FBXO9: variants seen among roughly 807,000 people sequenced by gnomAD.
FBXO9 encodes the protein F-box only protein 9.
A neutral mutation model predicts 63.7 loss-of-function variants in FBXO9; 43 were observed. The observed-to-expected ratio is 0.67, with a 90% CI of 0.53 to 0.87. The LOEUF is 0.87. FBXO9 is among the 40% of genes least tolerant of loss of function. FBXO9 has a pLI of 0.00. For synonymous variants in FBXO9, 156 were observed against 171.7 expected, an observed-to-expected ratio of 0.91 and a Z score of 0.72; for missense variants, 442 against 533.2, an observed-to-expected ratio of 0.83 and a Z score of 1.68.
At chr6:53,084,498 A>G (rs972727430) in intron 7 of FBXO9, among the ~76,000 whole-genome samples, 58 of 152,326 alleles carry the variant, frequency 3.8e-4, no homozygotes, top group African/African-American at 1.3e-3. Flanking sequence ...GTCTTATGAT[A>G]TGGTTCTGAT....
chr6:53,072,475 A>C (rs1269035970), intron 2 of FBXO9, among the ~76,000 whole-genome samples: 1 of 152,218 alleles, frequency 6.6e-6, no homozygotes, highest in Non-Finnish European at 1.5e-5. Context: ...AGTTCTGAAG[A>C]TGAAATACCC....
At chr6:53,079,002 C>CCTG in intron 5 of FBXO9, 104 bp downstream of exon 5, 4 of 719,816 alleles carry the variant, frequency 5.6e-6, no homozygotes, top group South Asian at 2.1e-5. Context: ...GAGCTCTATA[C>CCTG]TCTTTAGTAT....
At chr6:53,090,508 AAAAC>A (rs1432780139) in intron 7 of FBXO9, among the ~76,000 whole-genome samples, 4 of 152,258 alleles carry the variant, frequency 2.6e-5, no homozygotes, top group African/African-American at 9.6e-5. Flanking sequence ...CTTAAAAACA[AAAAC>A]AAAGAAAGAA....
In FBXO9 at chr6:53,098,232, A is replaced by G; in HGVS notation, c.*402A>G. The stretch of plus-strand genomic sequence containing the variant: ...TCCTAATATTTCAATGCATCAGGGG[A>G]GCGCTCCACTGGATAAGCATTTTAT... On this transcript the variant is annotated 3_prime_UTR_variant, in exon 13 of 13. Transcript: ENST00000323557. 1 of 312,580 alleles carries G rather than the reference A, an allele frequency of 3.2e-6. No homozygotes were observed. The highest frequency in any genetic ancestry group is 7.0e-6 in the Non-Finnish European group (1 of 143,834). The allele number at this position is 312,580 out of a possible 1,614,324, so 19.4% of individuals were successfully genotyped here.
intron 2 of FBXO9, 41 bp downstream of exon 2, chr6:53,071,184 T>C (rs1273531451): frequency 6.6e-7 from 1 of 1,518,896 alleles, no homozygotes; most frequent in South Asian, 1.2e-5. Flanking sequence ...TATTCCATTG[T>C]TCCCATACAT....
rs1323205431 is a variant in FBXO9 at position 53,092,506 on chromosome 6, GGA to G, written c.738_739del (p.Glu246AspfsTer11). On this transcript the variant is annotated frameshift_variant, in exon 8 of 13. Transcript: ENST00000323557. LOFTEE classifies it high-confidence loss of function. The stretch of plus-strand genomic sequence containing the variant: ...ATTAAACTTGTTCCGTACACGTCCT[GGA>G]GAGAGATGTTTTTAGAACGGCCTCG... 1 of 1,613,934 alleles carries G rather than the reference GGA, an allele frequency of 6.2e-7. No homozygotes were observed. Among genetic ancestry groups the G allele is most frequent in the Non-Finnish European group, 8.5e-7 (1 of 1,179,868 alleles).
intron 4 of FBXO9, among the ~76,000 whole-genome samples, chr6:53,077,297 A>AC (rs1311207284): frequency 6.6e-6 from 1 of 151,466 alleles, no homozygotes; most frequent in Admixed American, 6.6e-5. Context: ...AAACGGTGAA[A>AC]CCCCGTCTCT....
chr6:53,080,222 T>A (rs182495112), intron 5 of FBXO9, among the ~76,000 whole-genome samples: 2 of 152,118 alleles, frequency 1.3e-5, no homozygotes, highest in East Asian at 3.9e-4. Flanking sequence ...CTGTAACATG[T>A]TTGTAGAATA....
chr6:53,099,637 G>A lies in FBXO9; in HGVS notation c.*1807G>A, dbSNP rs1763300619. Reference sequence around the variant, plus strand: ...TACACACCTGTGGTCCCAGCTAGTTGGGAGGCTAAGGCAGGAGGATCACTT... The same window carrying A: ...TACACACCTGTGGTCCCAGCTAGTTAGGAGGCTAAGGCAGGAGGATCACTT... On this transcript the variant is annotated 3_prime_UTR_variant, in exon 13 of 13. Coordinates refer to ENST00000323557, the MANE Select transcript of FBXO9 (RefSeq NM_033480.3). 6.6e-6 allele frequency: 1 copy of A among 152,080 alleles called. No individual in the cohort carries two copies. Among genetic ancestry groups the A allele is most frequent in the Non-Finnish European group, 1.5e-5 (1 of 68,078 alleles). 9.4% of individuals were successfully genotyped at this position (152,080 alleles called of 1,614,324 possible).
chr6:53,072,261 G>C (rs1768947306), intron 2 of FBXO9, among the ~76,000 whole-genome samples: 1 of 151,894 alleles, frequency 6.6e-6, no homozygotes. Context: ...ATGCATCCCT[G>C]TTAGCAATGG....
At chr6:53,079,344 A>T (rs1231637078) in intron 5 of FBXO9, among the ~76,000 whole-genome samples, 1 of 152,176 alleles carries the variant, frequency 6.6e-6, no homozygotes, top group East Asian at 1.9e-4. Flanking sequence ...TTACATTTTA[A>T]AAAAGGCTTC....
rs1223706601 is a variant in FBXO9, at chr6:53,076,511, TAGA to T, written c.283_285del (p.Glu95del). 9.1e-6 allele frequency: 14 copies of T among 1,546,510 alleles called. No individual in the cohort carries two copies. Among genetic ancestry groups the T allele is most frequent in the Non-Finnish European group, 1.1e-5 (13 of 1,157,110 alleles). The stretch of plus-strand genomic sequence containing the variant: ...GCTCGAGAACTCTTCCTAAAAGCAG[TAGA>T]AGAAGAACAAAATGGAGCTCTCTAT... On this transcript the variant is annotated inframe_deletion, in exon 4 of 13. Coordinates refer to ENST00000323557, the MANE Select transcript of FBXO9 (RefSeq NM_033480.3).
intron 6 of FBXO9, among the ~76,000 whole-genome samples, chr6:53,082,287 G>C (rs1769340989): frequency 6.6e-6 from 1 of 152,084 alleles, no homozygotes; most frequent in Non-Finnish European, 1.5e-5. Flanking sequence ...TTTATAAAAA[G>C]TAGCTTCAGA....
chr6:53,068,009 A>G (rs1768767987), intron 1 of FBXO9: 1 of 152,178 alleles, frequency 6.6e-6, no homozygotes, highest in African/African-American at 2.4e-5. Context: ...GATAGGAGGC[A>G]AGGCTAATTT....
intron 1 of FBXO9, among the ~76,000 whole-genome samples, chr6:53,070,071 T>C (rs1768860017): frequency 7.1e-6 from 1 of 140,914 alleles, no homozygotes; most frequent in South Asian, 2.3e-4. Flanking sequence ...CAGGCTGGAG[T>C]GCAATGGTGC....
intron 4 of FBXO9, among the ~76,000 whole-genome samples, chr6:53,077,435 T>C (rs2127491251): frequency 8.5e-6 from 1 of 117,592 alleles, no homozygotes; most frequent in East Asian, 2.8e-4. Context: ...ATCCCGCCAC[T>C]GCACTCCAGC....
intron 11 of FBXO9, chr6:53,094,587 T>C (rs1763152121): frequency 5.2e-6 from 1 of 192,948 alleles, no homozygotes; most frequent in Admixed American, 5.9e-5. Context: ...TGTATGGTAT[T>C]TGGAATAAAT....
intron 4 of FBXO9, among the ~76,000 whole-genome samples, chr6:53,077,073 T>C (rs1262143729): frequency 6.6e-6 from 1 of 152,174 alleles, no homozygotes; most frequent in Non-Finnish European, 1.5e-5. Flanking sequence ...TAAAATATGC[T>C]CTTTTTATAG....
intron 4 of FBXO9, among the ~76,000 whole-genome samples, chr6:53,077,467 C>T (rs1237796009): frequency 1.3e-4 from 14 of 108,860 alleles, no homozygotes; most frequent in Non-Finnish European, 2.0e-4. Flanking sequence ...AGCGAGACTC[C>T]GTCTCAAAAA....
Sources: gnomAD v4.1 joint callset for allele counts (sites outside exome capture counted in the v4.1 genomes callset) on GRCh38, gnomAD v4.1.1 for gene constraint, MANE v1.5 for transcripts, NCBI Gene and HGNC (gene_info 2026-07-23, HGNC 2026-07-21) for gene names.